The following PAMR1 variants were observed in gnomAD, a reference collection of about 807,000 sequenced individuals.
The protein encoded by PAMR1 is peptidase domain containing associated with muscle regeneration 1.
In PAMR1, 88 loss-of-function variants were observed where a neutral mutation model predicts 81.8. That is an observed-to-expected ratio of 1.08 (90% CI 0.91 to 1.28). The LOEUF (loss-of-function observed/expected upper bound fraction) is 1.28. PAMR1 is among the 50% of genes most tolerant of loss of function. The pLI is 0.00. For synonymous variants in PAMR1, 336 were observed against 345.3 expected (o/e 0.97, Z 0.30); for missense variants, 935 against 919.7 (o/e 1.02, Z -0.21).
At position 35,470,600 on chromosome 11, in the gene PAMR1, C is replaced by G; in HGVS notation, c.712+1G>C. 6.2e-7 allele frequency: 1 copy of G among 1,612,650 alleles called. No homozygotes were observed. The highest frequency in any genetic ancestry group is 8.5e-7 in the Non-Finnish European group (1 of 1,178,680). On this transcript the variant is annotated splice_donor_variant, in intron 5 of 10. Coordinates refer to ENST00000619888, the MANE Select transcript of PAMR1 (RefSeq NM_001001991.3). LOFTEE classifies it high-confidence loss of function. ...GCCACATTTGTCTCCTTGGCCTTTACCTGTGATCTCCTCATAAATGGCATG... is the reference window on the plus strand; with the variant it reads ...GCCACATTTGTCTCCTTGGCCTTTAGCTGTGATCTCCTCATAAATGGCATG...
upstream of PAMR1, among the ~76,000 whole-genome samples, chr11:35,529,135 G>C (rs1369543924): frequency 6.6e-6 from 1 of 152,164 alleles, no homozygotes; most frequent in Non-Finnish European, 1.5e-5. Flanking sequence ...ATAGAGTTTA[G>C]TATTGTTCTA....
intron 1 of PAMR1, among the ~76,000 whole-genome samples, chr11:35,508,907 C>T (rs914052337): frequency 3.9e-5 from 6 of 152,186 alleles, no homozygotes; most frequent in Non-Finnish European, 7.4e-5. Flanking sequence ...TGTAGTATTC[C>T]ATTGTGTATA....
In PAMR1 at chr11:35,432,835, C is replaced by T. The variant is rs144470075; in HGVS notation, c.1684G>A (p.Ala562Thr). ...YDPILLDADI[A>T]ILKLLDKARI... is the part of the protein sequence containing the mutation. ...GCCTTGTCTAGGAGCTTCAGGATGG[C>T]GATGTCAGCATCAAGCAGGATGGGG... Residue 562 changes from alanine to threonine, a missense_variant, in exon 11 of 11, where the codon GCC (alanine) becomes ACC (threonine). Physicochemically the swap from Ala to Thr is moderately conservative, Grantham distance 58. Transcript: ENST00000619888. The T allele has an allele frequency of 1.1e-5, 18 of 1,601,662 alleles. No individual in the cohort carries two copies. Among genetic ancestry groups the T allele is most frequent in the African/African-American group, 2.7e-5 (2 of 74,862 alleles).
At chr11:35,503,842 C>A (rs599933) in intron 1 of PAMR1, among the ~76,000 whole-genome samples, 47,503 of 151,820 alleles carry the variant, frequency 0.31, 7,504 homozygotes, top group African/African-American at 0.37. Flanking sequence ...TTCCTTTCCA[C>A]ATTGGATGTC....
chr11:35,513,161 T>A (rs138756678), intron 1 of PAMR1, among the ~76,000 whole-genome samples: 1 of 152,224 alleles, frequency 6.6e-6, no homozygotes, highest in South Asian at 2.1e-4. Context: ...TATTGTTATA[T>A]TCTGAGATCA....
chr11:35,499,230 G>A (rs911809197), intron 1 of PAMR1, among the ~76,000 whole-genome samples: 1 of 152,026 alleles, frequency 6.6e-6, no homozygotes, highest in Admixed American at 6.6e-5. Flanking sequence ...CTCCCACAGC[G>A]AGGTATCTAG....
chr11:35,504,395 G>A (rs957645210), intron 1 of PAMR1, among the ~76,000 whole-genome samples: 3 of 152,148 alleles, frequency 2.0e-5, no homozygotes, highest in African/African-American at 7.2e-5. Flanking sequence ...TAGCCTCATA[G>A]AATGAGTTTG....
chr11:35,492,743 TAAC>T (rs1451406877), intron 2 of PAMR1, among the ~76,000 whole-genome samples: 2 of 152,172 alleles, frequency 1.3e-5, no homozygotes, highest in African/African-American at 2.4e-5. Flanking sequence ...CTCTCCTGTC[TAAC>T]AATAGGCTCA....
At chr11:35,507,694 T>C (rs970622625) in intron 1 of PAMR1, among the ~76,000 whole-genome samples, 1 of 152,200 alleles carries the variant, frequency 6.6e-6, no homozygotes, top group African/African-American at 2.4e-5. Context: ...CATCTTTGTT[T>C]TTGCATTGAA....
intron 6 of PAMR1, among the ~76,000 whole-genome samples, chr11:35,458,969 T>A (rs563510995): frequency 1.9e-4 from 29 of 152,356 alleles, no homozygotes; most frequent in African/African-American, 6.7e-4. Flanking sequence ...ACTGGTGATG[T>A]AATCCCCACT....
intron 4 of PAMR1, among the ~76,000 whole-genome samples, chr11:35,473,449 C>T (rs996853862): frequency 1.3e-5 from 2 of 152,152 alleles, no homozygotes; most frequent in Admixed American, 1.3e-4. Flanking sequence ...TATTAACATG[C>T]AGCATTTAAC....
At chr11:35,442,386 C>T (rs979705460) in intron 6 of PAMR1, among the ~76,000 whole-genome samples, 12 of 152,236 alleles carry the variant, frequency 7.9e-5, no homozygotes, top group Middle Eastern at 3.4e-3. Context: ...GCATCAGCAG[C>T]TATTCTGAGC....
At chr11:35,451,775 G>A (rs1310060412) in intron 6 of PAMR1, 1 of 555,224 alleles carries the variant, frequency 1.8e-6, no homozygotes, top group East Asian at 3.2e-5. Flanking sequence ...TGAGGGTGGA[G>A]CCCTCATGAA....
chr11:35,461,832 C>T (rs1856661847), intron 6 of PAMR1, among the ~76,000 whole-genome samples: 1 of 152,100 alleles, frequency 6.6e-6, no homozygotes, highest in African/African-American at 2.4e-5. Context: ...CAGTGGCCCA[C>T]TAGCTAATGG....
intron 1 of PAMR1, among the ~76,000 whole-genome samples, chr11:35,507,693 T>C (rs917216911): frequency 6.6e-6 from 1 of 152,200 alleles, no homozygotes; most frequent in Non-Finnish European, 1.5e-5. Flanking sequence ...ACATCTTTGT[T>C]TTTGCATTGA....
upstream of PAMR1, chr11:35,529,903 T>C (rs1851438989): frequency 6.6e-6 from 1 of 152,218 alleles, no homozygotes; most frequent in Non-Finnish European, 1.5e-5. Context: ...CAAGTCATAA[T>C]ACCCACTAAT....
intron 6 of PAMR1, among the ~76,000 whole-genome samples, chr11:35,444,904 T>A (rs895090523): frequency 4.6e-5 from 7 of 152,322 alleles, no homozygotes; most frequent in Admixed American, 4.6e-4. Flanking sequence ...GATGGGAATA[T>A]CATTGAATCT....
At chr11:35,437,415 T>A (rs2135337177) in intron 8 of PAMR1, among the ~76,000 whole-genome samples, 1 of 152,368 alleles carries the variant, frequency 6.6e-6, no homozygotes, top group Non-Finnish European at 1.5e-5. Context: ...GAAATCTATT[T>A]CATATACAGT....
At position 35,466,726 on chromosome 11, in the gene PAMR1, C is replaced by CAAAAAA. The variant is rs71044519; in HGVS notation, c.820+1269_820+1274dup. 7.5e-3 allele frequency among the ~76,000 whole-genome samples: 482 copies of CAAAAAA among 63,930 alleles called. 16 individuals carry two copies. Among genetic ancestry groups the CAAAAAA allele is most frequent in the African/African-American group, 0.029 (457 of 15,874 alleles). The allele number at this position is 63,930 out of a possible 152,430, so 41.9% of individuals were successfully genotyped here. A position where few individuals can be genotyped will look rare whatever the true frequency, so the allele number is the denominator to read the frequency against. ...TGGGCGACAGAGAGAGGCTCTATCT[C>CAAAAAA]AAAAAAAAAAAAAAAAAAAAAGGAA... On this transcript the variant is annotated intron_variant, in intron 6 of 10. Coordinates refer to ENST00000619888, the MANE Select transcript of PAMR1 (RefSeq NM_001001991.3).
Sources: allele counts gnomAD v4.1 joint callset (sites outside exome capture counted in the v4.1 genomes callset), GRCh38; gene constraint gnomAD v4.1.1; transcripts MANE v1.5; gene names NCBI Gene and HGNC (gene_info 2026-07-23, HGNC 2026-07-21).